SH3RF2: variants seen among roughly 807,000 people sequenced by gnomAD.
The protein encoded by SH3RF2 is SH3 domain containing ring finger 2.
In SH3RF2, 43 loss-of-function variants were observed where a neutral mutation model predicts 59.0. That is an observed-to-expected ratio of 0.73 (90% CI 0.57 to 0.94). SH3RF2 has a LOEUF of 0.94. Ranked by LOEUF, SH3RF2 falls within the 40% of genes least tolerant of loss-of-function variation. The pLI, the probability that SH3RF2 is intolerant of heterozygous loss-of-function variation, is 0.00. For missense variants in SH3RF2, 930 were observed against 940.1 expected (o/e 0.99, Z 0.14); for synonymous variants, 391 against 391.5 (o/e 1.00, Z 0.01).
chr5:146,070,457 C>G (rs560170472), intron 9 of SH3RF2, among the ~76,000 whole-genome samples: 1 of 152,292 alleles, frequency 6.6e-6, no homozygotes, highest in Non-Finnish European at 1.5e-5. Flanking sequence ...AAATCTACCC[C>G]TGCTCCAAAA....
chr5:145,950,042 C>T (rs1383019966), intron 2 of SH3RF2, among the ~76,000 whole-genome samples: 1 of 147,770 alleles, frequency 6.8e-6, no homozygotes, highest in Non-Finnish European at 1.5e-5. Context: ...CAGGGAGGGA[C>T]CAGGAAAGAA....
chr5:146,005,237 C>G (rs978731268), intron 4 of SH3RF2, among the ~76,000 whole-genome samples: 1 of 152,108 alleles, frequency 6.6e-6, no homozygotes, highest in Non-Finnish European at 1.5e-5. Context: ...AGTGCCTAAC[C>G]TCATTAGCCA....
chr5:145,997,877 A>G (rs564293518), intron 2 of SH3RF2: 1 of 1,008,430 alleles, frequency 9.9e-7, no homozygotes, highest in South Asian at 1.3e-5. Context: ...TGCCCTTGCC[A>G]ACAGAACTCA....
At chr5:146,003,732 A>G (rs1050557300) in intron 3 of SH3RF2, among the ~76,000 whole-genome samples, 3 of 152,220 alleles carry the variant, frequency 2.0e-5, no homozygotes, top group Admixed American at 2.0e-4. Context: ...GCTTCTCCCT[A>G]TGGCTTCCAT....
At chr5:146,002,535 A>AGGAAGGAAG (rs1405378041) in intron 3 of SH3RF2, among the ~76,000 whole-genome samples, 1 of 143,254 alleles carries the variant, frequency 7.0e-6, no homozygotes, top group South Asian at 2.2e-4. Flanking sequence ...GAAGGAAGGA[A>AGGAAGGAAG]GGATAACCTA....
At chr5:146,020,458 A>C (rs1349452472) in intron 5 of SH3RF2, among the ~76,000 whole-genome samples, 1 of 152,104 alleles carries the variant, frequency 6.6e-6, no homozygotes, top group African/African-American at 2.4e-5. Context: ...TCCTTCTGGA[A>C]TTTATTTTTG....
At chr5:146,048,400 A>G (rs981860360) in intron 6 of SH3RF2, among the ~76,000 whole-genome samples, 1 of 152,142 alleles carries the variant, frequency 6.6e-6, no homozygotes, top group African/African-American at 2.4e-5. Flanking sequence ...CTGGAAGATT[A>G]TATACCACAA....
In SH3RF2 at chr5:145,938,090, G is replaced by A; in HGVS notation, c.162G>A (p.Thr54=). ...AGCTGCGGTGCCCCGAATGCAGGAC[G>A]CCTGTGTTTTCCAACATTGAGGCGC... The part of the protein sequence containing the change: ...HKELRCPECR[T]PVFSNIEALP... The change falls in exon 2 of 10, where the codon ACG becomes ACA. Residue 54 remains threonine, a synonymous_variant. Coordinates refer to ENST00000359120, the MANE Select transcript of SH3RF2 (RefSeq NM_152550.4). 1 of 1,614,240 alleles carries A rather than the reference G, an allele frequency of 6.2e-7. No homozygotes were observed.
intron 2 of SH3RF2, among the ~76,000 whole-genome samples, chr5:145,975,505 G>A (rs1424334958): frequency 6.6e-6 from 1 of 152,246 alleles, no homozygotes; most frequent in African/African-American, 2.4e-5. Flanking sequence ...CACCAAGTGA[G>A]GGAAGGCAGG....
intron 2 of SH3RF2, among the ~76,000 whole-genome samples, chr5:145,939,610 G>T (rs1757734050): frequency 6.6e-6 from 1 of 152,158 alleles, no homozygotes. Flanking sequence ...GTGCTTGTAA[G>T]TGACACATTC....
chr5:146,009,294 A>T (rs1222086256), intron 4 of SH3RF2, among the ~76,000 whole-genome samples: 1 of 152,188 alleles, frequency 6.6e-6, no homozygotes, highest in Non-Finnish European at 1.5e-5. Context: ...TATGTAGAAT[A>T]AAATGGAAGC....
chr5:145,995,468 C>A (rs1486535500), intron 2 of SH3RF2, among the ~76,000 whole-genome samples: 1 of 152,178 alleles, frequency 6.6e-6, no homozygotes, highest in African/African-American at 2.4e-5. Context: ...CCAGCTTTTA[C>A]GTGCTTATTT....
Position 146,056,195 on chromosome 5 carries a change from C to T in SH3RF2, c.1537C>T (p.Arg513Trp), listed in dbSNP as rs373327542. Residue 513 changes from arginine (R) to tryptophan (W), a missense_variant, in exon 8 of 10, where the codon CGG (arginine) becomes TGG (tryptophan). Coordinates refer to ENST00000359120, the MANE Select transcript of SH3RF2 (RefSeq NM_152550.4). ...AGGACAAGGGTCTCTTCGGAAAGGG[C>T]GGAGCAGCATGAGAAAGAGTAAGTG... is the stretch of plus-strand genomic sequence containing the variant. ...TLGQGSLRKG[R>W]SSMRKNGSLQ... 1.3e-4 allele frequency: 202 copies of T among 1,614,186 alleles called. No individual in the cohort carries two copies. The highest frequency in any genetic ancestry group is 3.6e-4 in the East Asian group (16 of 44,882).
intron 2 of SH3RF2, among the ~76,000 whole-genome samples, chr5:145,938,914 A>G (rs969146293): frequency 1.6e-4 from 25 of 152,236 alleles, no homozygotes; most frequent in African/African-American, 6.0e-4. Context: ...TCAGCTGTGT[A>G]TAGGAGCTCT....
chr5:146,040,901 G>A (rs984738174), intron 5 of SH3RF2, among the ~76,000 whole-genome samples: 2 of 152,104 alleles, frequency 1.3e-5, no homozygotes, highest in Non-Finnish European at 2.9e-5. Flanking sequence ...AGAAAAACAA[G>A]CACAGACAGC....
At chr5:145,990,023 C>T (rs1759875300) in intron 2 of SH3RF2, among the ~76,000 whole-genome samples, 1 of 152,290 alleles carries the variant, frequency 6.6e-6, no homozygotes, top group African/African-American at 2.4e-5. Flanking sequence ...CTGGTTAGGA[C>T]TGGTCCAGTT....
At chr5:146,039,409 T>C (rs1364816222) in intron 5 of SH3RF2, among the ~76,000 whole-genome samples, 5 of 149,534 alleles carry the variant, frequency 3.3e-5, no homozygotes, top group Non-Finnish European at 3.0e-5. Flanking sequence ...ACAAAAATAA[T>C]AAATAACCCC....
chr5:146,006,960 A>C (rs1488090684), intron 4 of SH3RF2, among the ~76,000 whole-genome samples: 1 of 152,160 alleles, frequency 6.6e-6, no homozygotes, highest in Non-Finnish European at 1.5e-5. Context: ...TGTATCACCA[A>C]CTAAATGCCT....
At chr5:145,966,031 G>A (rs1758843916) in intron 2 of SH3RF2, among the ~76,000 whole-genome samples, 1 of 152,136 alleles carries the variant, frequency 6.6e-6, no homozygotes, top group African/African-American at 2.4e-5. Context: ...GAGGAGGGAG[G>A]TGGAGCTGTT....
Sources: allele counts gnomAD v4.1 joint callset (sites outside exome capture counted in the v4.1 genomes callset), GRCh38; gene constraint gnomAD v4.1.1; transcripts MANE v1.5; gene names NCBI Gene and HGNC (gene_info 2026-07-23, HGNC 2026-07-21).